ATP6V1A: variants seen among roughly 807,000 people sequenced by gnomAD.
ATP6V1A encodes V-type proton ATPase catalytic subunit A.
ATP6V1A carries 18 observed loss-of-function variants against 70.1 expected under a neutral mutation model. The ratio of observed to expected loss-of-function variants is 0.26; its 90% CI spans 0.18 to 0.38. The LOEUF (loss-of-function observed/expected upper bound fraction) is 0.38. ATP6V1A is among the 10% of genes least tolerant of loss of function. ATP6V1A has a pLI of 1.00. For missense variants in ATP6V1A, 424 were observed against 772.4 expected, an observed-to-expected ratio of 0.55 and a Z score of 5.35; for synonymous variants, 232 against 253.8, an observed-to-expected ratio of 0.91 and a Z score of 0.82.
rs1709336054 is a variant in ATP6V1A at position 113,811,015 on chromosome 3, T to C, written c.*1588T>C. The C allele has an allele frequency of 6.6e-6, 1 of 152,222 alleles. No homozygotes were observed. The highest frequency in any genetic ancestry group is 2.1e-4 in the South Asian group (1 of 4,834). 9.4% of individuals were successfully genotyped at this position (152,222 alleles called of 1,614,324 possible). A position where few individuals can be genotyped will look rare whatever the true frequency, so the allele number is the denominator to read the frequency against. ...AATCATTTTATCCGTCTTTTAAGTA[T>C]ATGTTTAAAATAATAATTTATGTGT... On this transcript the variant is annotated 3_prime_UTR_variant, in exon 15 of 15. Transcript: ENST00000273398.
At chr3:113,785,780 T>C (rs1464252503) in intron 5 of ATP6V1A, among the ~76,000 whole-genome samples, 4 of 151,314 alleles carry the variant, frequency 2.6e-5, no homozygotes, top group Non-Finnish European at 5.9e-5. Context: ...GCGATTCTCC[T>C]GCCTCAGCCT....
intron 4 of ATP6V1A, 127 bp from the exon 5 acceptor site, chr3:113,784,569 C>T (rs765700854): frequency 1.1e-5 from 16 of 1,406,490 alleles, no homozygotes; most frequent in Non-Finnish European, 1.4e-5. Flanking sequence ...TTTCTTAACT[C>T]TACTTCATGG....
intron 2 of ATP6V1A, chr3:113,779,285 C>G (rs1377221170): frequency 6.6e-6 from 1 of 152,158 alleles, no homozygotes; most frequent in Non-Finnish European, 1.5e-5. Flanking sequence ...ATTTATGAAA[C>G]TTTTTGAATG....
rs1709331597 is a variant in ATP6V1A at position 113,810,662 on chromosome 3, C to T, written c.*1235C>T. 1 of 152,170 alleles carries T rather than the reference C, an allele frequency of 6.6e-6. No individual in the cohort carries two copies. The highest frequency in any genetic ancestry group is 1.5e-5 in the Non-Finnish European group (1 of 68,030). 9.4% of individuals were successfully genotyped at this position (152,170 alleles called of 1,614,324 possible). On this transcript the variant is annotated 3_prime_UTR_variant, in exon 15 of 15. Coordinates refer to ENST00000273398, the MANE Select transcript of ATP6V1A (RefSeq NM_001690.4). ...GCAAGTGTGATGGGCAGTAAAATAC[C>T]AGAGAAGATGTTTAGTAGCAATTAA...
rs191611551 is a variant in ATP6V1A at position 113,765,404 on chromosome 3, A to T, written c.-13-13337A>T. On this transcript the variant is annotated intron_variant, in intron 1 of 14. Transcript: ENST00000273398. ...CAGTTCACCTGAGGTCAGGAGTTCAAGACCAGCCTGACCAATGTGGTGAAA... is the reference window on the plus strand; with the variant it reads ...CAGTTCACCTGAGGTCAGGAGTTCATGACCAGCCTGACCAATGTGGTGAAA... 1.9e-3 allele frequency among the ~76,000 whole-genome samples: 286 copies of T among 152,216 alleles called. 11 individuals carry two copies. The East Asian group carries it at 0.044, about 23-fold the overall frequency.
chr3:113,751,638 C>A (rs1416682182), intron 1 of ATP6V1A, among the ~76,000 whole-genome samples: 1 of 150,992 alleles, frequency 6.6e-6, no homozygotes. Context: ...ATGATAGCGA[C>A]TTTGGTTTTT....
chr3:113,764,026 GC>G (rs1475684468), intron 1 of ATP6V1A, among the ~76,000 whole-genome samples: 1 of 152,092 alleles, frequency 6.6e-6, no homozygotes, highest in Non-Finnish European at 1.5e-5. Context: ...GATCACTTGA[GC>G]CCAGGAGTTC....
At position 113,794,864 on chromosome 3, in the gene ATP6V1A, C is replaced by T. The variant is rs371796294; in HGVS notation, c.989-8C>T. 6 of 1,596,410 alleles carry T rather than the reference C, an allele frequency of 3.8e-6. No individual in the cohort carries two copies. In the African/African-American group the frequency reaches 8.1e-5, roughly 22 times the overall value. On this transcript the variant is annotated splice_polypyrimidine_tract_variant and splice_region_variant and intron_variant, in intron 8 of 14. Transcript: ENST00000273398. ...TTGTAACTTATAATAATATTCTTCC[C>T]AATTTAGGAATCACACTGTCAGAGT... is the stretch of plus-strand genomic sequence containing the variant.
At position 113,781,047 on chromosome 3, in the gene ATP6V1A, C is replaced by T; in HGVS notation, c.83-3C>T. ...CATCAAAATAGTCTTTTGTTCTCTT[C>T]AGTGGTTACAGCCTGTGACATGGCG... is the stretch of plus-strand genomic sequence containing the variant. On this transcript the variant is annotated splice_region_variant and splice_polypyrimidine_tract_variant and intron_variant, in intron 2 of 14. Coordinates refer to ENST00000273398, the MANE Select transcript of ATP6V1A (RefSeq NM_001690.4). 6.3e-7 allele frequency: 1 copy of T among 1,598,930 alleles called. No homozygotes were observed. Among genetic ancestry groups the T allele is most frequent in the Non-Finnish European group, 8.5e-7 (1 of 1,175,134 alleles).
At chr3:113,802,152 C>G (rs957341211) in intron 12 of ATP6V1A, among the ~76,000 whole-genome samples, 6 of 149,478 alleles carry the variant, frequency 4.0e-5, no homozygotes, top group Non-Finnish European at 8.8e-5. Context: ...AGCACTCAGA[C>G]ATAGAGTAGT....
intron 1 of ATP6V1A, among the ~76,000 whole-genome samples, chr3:113,778,491 A>G (rs1245842049): frequency 1.3e-5 from 2 of 152,018 alleles, no homozygotes; most frequent in East Asian, 3.9e-4. Context: ...GAGGATCGCT[A>G]GAGTCCAGGA....
chr3:113,785,165 G>A (rs1267933941), intron 5 of ATP6V1A, among the ~76,000 whole-genome samples: 2 of 152,204 alleles, frequency 1.3e-5, no homozygotes, highest in Non-Finnish European at 2.9e-5. Context: ...AATGGGACCG[G>A]GCATGTAGGC....
chr3:113,780,470 C>G (rs1483032719), intron 2 of ATP6V1A, among the ~76,000 whole-genome samples: 1 of 152,068 alleles, frequency 6.6e-6, no homozygotes, highest in Admixed American at 6.5e-5. Flanking sequence ...TCCTTACGGC[C>G]TATGAAAAAA....
At chr3:113,783,040 TTTG>T (rs1469511627) in intron 3 of ATP6V1A, among the ~76,000 whole-genome samples, 2 of 152,178 alleles carry the variant, frequency 1.3e-5, no homozygotes, top group Non-Finnish European at 2.9e-5. Flanking sequence ...TTCTTTCAAC[TTTG>T]TTGTTGTTCT....
intron 1 of ATP6V1A, among the ~76,000 whole-genome samples, chr3:113,774,467 A>G (rs1357846503): frequency 6.6e-6 from 1 of 152,162 alleles, no homozygotes; most frequent in Non-Finnish European, 1.5e-5. Flanking sequence ...GATTTGCCTA[A>G]GGACACAACT....
chr3:113,784,801 T>TAA lies in ATP6V1A; in HGVS notation c.533_534insAA (p.Tyr178Ter). Residue 178 changes from tyrosine to a stop codon, truncating the protein, a stop_gained and frameshift_variant, in exon 5 of 15, where the codon TAC becomes TAAAC. Transcript: ENST00000273398. LOFTEE classifies it high-confidence loss of function. ...CCCACGAAACAGAGGAACTGTAACT[T>TAA]ACATTGCTCCACCTGGGAATTATGA... is the stretch of plus-strand genomic sequence containing the variant. ...LPPRNRGTVT[Y>*]IAPPGNYDTS... 6.2e-7 allele frequency: 1 copy of TAA among 1,614,152 alleles called. No homozygotes were observed. The highest frequency in any genetic ancestry group is 8.5e-7 in the Non-Finnish European group (1 of 1,179,990).
intron 1 of ATP6V1A, among the ~76,000 whole-genome samples, chr3:113,753,606 T>C (rs1708613848): frequency 6.6e-6 from 1 of 152,150 alleles, no homozygotes; most frequent in Admixed American, 6.5e-5. Context: ...TATGGAATGT[T>C]GTGAAGTGAT....
chr3:113,785,902 A>G (rs1251512430), intron 5 of ATP6V1A, among the ~76,000 whole-genome samples: 1 of 137,510 alleles, frequency 7.3e-6, no homozygotes, highest in Non-Finnish European at 1.5e-5. Context: ...ATGGGGTGTC[A>G]CTATGTTGCC....
chr3:113,789,659 A>AT lies in ATP6V1A; in HGVS notation c.880-73_880-72insT, dbSNP rs980835708. 2.7e-5 allele frequency: 33 copies of AT among 1,244,630 alleles called. No homozygotes were observed. In the African/African-American group the frequency reaches 4.1e-4, roughly 16 times the overall value. The allele number at this position is 1,244,630 out of a possible 1,614,324, so 77.1% of individuals were successfully genotyped here. ...TAAATATGGGCAAAAGTTTAAAAAA[A>AT]AAAAGAAAAATAGGGAGGGCTAAAA... On this transcript the variant is annotated intron_variant, in intron 7 of 14. Transcript: ENST00000273398.
Sources: allele counts gnomAD v4.1 joint callset (sites outside exome capture counted in the v4.1 genomes callset), GRCh38; gene constraint gnomAD v4.1.1; transcripts MANE v1.5; gene names NCBI Gene and HGNC (gene_info 2026-07-23, HGNC 2026-07-21).